The following SETX variants were observed in gnomAD, a reference collection of about 807,000 sequenced individuals.
SETX encodes helicase senataxin.
A neutral mutation model predicts 227.2 loss-of-function variants in SETX; 90 were observed. The observed-to-expected ratio is 0.40, with a 90% CI of 0.33 to 0.47. The LOEUF is 0.47. SETX is among the 20% of genes least tolerant of loss of function. The probability of loss-of-function intolerance (pLI) is 0.91; values close to 1 mark genes in which losing one functional copy is unlikely to be tolerated. For missense variants in SETX, 3,052 were observed against 3,181.5 expected, an observed-to-expected ratio of 0.96 and a Z score of 0.98; for synonymous variants, 1,210 against 1,113.2, an observed-to-expected ratio of 1.09 and a Z score of -1.73.
rs1419540418 is a variant in SETX at position 132,330,218 on chromosome 9, T to A, written c.1380A>T (p.Leu460=). 1 of 1,568,220 alleles carries A rather than the reference T, an allele frequency of 6.4e-7. No homozygotes were observed. ...GCAGTTCAATCACTGATACCAAAAT[T>A]AGAAGAAAAAATTCAGTGACTTTGT... is the stretch of plus-strand genomic sequence containing the variant. ...VCDKVTEFFL[L]ILVSVIELHR... The change falls in exon 10 of 26, where the codon CTA becomes CTT. Residue 460 remains leucine, a synonymous_variant. Transcript: ENST00000224140.
chr9:132,295,997 G>A lies in SETX; in HGVS notation c.5981C>T (p.Ser1994Phe), dbSNP rs1259820848. The A allele has an allele frequency of 6.2e-7, 1 of 1,614,150 alleles. No homozygotes were observed. The highest frequency in any genetic ancestry group is 1.1e-5 in the South Asian group (1 of 91,084). The stretch of plus-strand genomic sequence containing the variant: ...ACGGTTTTGTTTGATTTTGGCATTG[G>A]AGTTTTCGTCTGAATGCCCCTTCCT... The part of the protein sequence containing the change: ...NQRKGHSDEN[S>F]NAKIKQNRVL... Residue 1994 changes from serine to phenylalanine, a missense_variant, in exon 15 of 26, where the codon TCC (serine) becomes TTC (phenylalanine). Transcript: ENST00000224140.
In SETX at chr9:132,323,404, T is replaced by C. The variant is rs1846494060; in HGVS notation, c.5274+2920A>G. 6.6e-5 allele frequency among the ~76,000 whole-genome samples: 10 copies of C among 152,252 alleles called. 1 individual carries two copies. The South Asian group carries it at 1.9e-3, about 28-fold the overall frequency. ...GGAAAGGCAATTACAGCATACTACA[T>C]GGCTTAGCTGAAGATATCTTTCACA... On this transcript the variant is annotated intron_variant, in intron 10 of 25. Coordinates refer to ENST00000224140, the MANE Select transcript of SETX (RefSeq NM_015046.7).
chr9:132,349,008 T>C (rs902108061), intron 3 of SETX, among the ~76,000 whole-genome samples: 1 of 151,980 alleles, frequency 6.6e-6, no homozygotes, highest in African/African-American at 2.4e-5. Flanking sequence ...TTTCAGGAAT[T>C]TGTCCTAAGA....
intron 19 of SETX, 117 bp from the exon 20 acceptor site, chr9:132,281,691 T>C: frequency 9.2e-6 from 7 of 760,754 alleles, no homozygotes; most frequent in Non-Finnish European, 1.6e-5. Context: ...CTGCACCAAA[T>C]ATCAAAAATA....
chr9:132,352,898 G>A (rs145654390), intron 2 of SETX, among the ~76,000 whole-genome samples: 47 of 152,098 alleles, frequency 3.1e-4, no homozygotes, highest in African/African-American at 1.1e-3. Context: ...TATCCTATAC[G>A]CTCCTTCTCC....
At chr9:132,322,423 T>A (rs1201386398) in intron 10 of SETX, among the ~76,000 whole-genome samples, 2 of 152,320 alleles carry the variant, frequency 1.3e-5, no homozygotes, top group South Asian at 2.1e-4. Context: ...TACTCATCTT[T>A]CTGTCTCTAC....
intron 18 of SETX, among the ~76,000 whole-genome samples, chr9:132,284,377 A>C (rs1208926598): frequency 2.0e-5 from 3 of 152,256 alleles, no homozygotes; most frequent in African/African-American, 7.2e-5. Context: ...AGTTTAAATA[A>C]ACTGCTAATG....
At chr9:132,355,428 G>A (rs1848861256), upstream of SETX, among the ~76,000 whole-genome samples, 1 of 152,238 alleles carries the variant, frequency 6.6e-6, no homozygotes, top group Non-Finnish European at 1.5e-5. Context: ...TTCCTTTAAA[G>A]ACCTGAAATG....
intron 22 of SETX, among the ~76,000 whole-genome samples, chr9:132,276,158 TA>T (rs1419452127): frequency 6.6e-6 from 1 of 152,158 alleles, no homozygotes; most frequent in Non-Finnish European, 1.5e-5. Context: ...GAGCCTTAAA[TA>T]CCCATTCTCC....
chr9:132,280,288 T>G (rs891179034), intron 20 of SETX, among the ~76,000 whole-genome samples: 4 of 152,196 alleles, frequency 2.6e-5, no homozygotes, highest in Non-Finnish European at 5.9e-5. Context: ...AAATGGATTT[T>G]TTTTTTCTAA....
At chr9:132,272,338 G>A (rs1842942924) in intron 23 of SETX, among the ~76,000 whole-genome samples, 1 of 152,006 alleles carries the variant, frequency 6.6e-6, no homozygotes, top group Non-Finnish European at 1.5e-5. Context: ...TTGTAGAGAT[G>A]GGGTCTTGCC....
intron 6 of SETX, 38 bp downstream of exon 6, chr9:132,336,258 G>T: frequency 6.5e-7 from 1 of 1,548,750 alleles, no homozygotes; most frequent in South Asian, 1.1e-5. Flanking sequence ...AGAACTATAC[G>T]AAAATACCAA....
At chr9:132,268,882 G>C (rs924371031) in intron 25 of SETX, among the ~76,000 whole-genome samples, 2 of 152,196 alleles carry the variant, frequency 1.3e-5, no homozygotes, top group African/African-American at 4.8e-5. Context: ...GGAGGTGATA[G>C]AGGAGTGAAA....
rs995991672 is a variant in SETX, at chr9:132,327,552, T to C, written c.4046A>G (p.Gln1349Arg). The C allele has an allele frequency of 1.2e-6, 2 of 1,614,132 alleles. No homozygotes were observed. Among genetic ancestry groups the C allele is most frequent in the Non-Finnish European group, 1.7e-6 (2 of 1,180,040 alleles). Residue 1349 changes from glutamine (Q) to arginine (R), a missense_variant, in exon 10 of 26, where the codon CAG (glutamine) becomes CGG (arginine). By Grantham distance (43) the Gln-to-Arg change is conservative. Around this residue, in one of 10 missense-constraint regions of SETX, gnomAD observed 1,483 missense variants for 1,312.0 expected, o/e 1.13. Transcript: ENST00000224140. ...TTTGGGTCTGATCTGCCTTTGCATC[T>C]GAAGTTCTTGACTAGTCAGAAGTTT... ...NKKLLTSQEL[Q>R]MQRQIRPKSQ...
At chr9:132,297,085 T>G (rs1321060641) in intron 13 of SETX, 31 bp from the exon 14 acceptor site, 1 of 1,565,630 alleles carries the variant, frequency 6.4e-7, no homozygotes, top group East Asian at 2.3e-5. Context: ...TGAGAATGAG[T>G]TGCTGTTTCT....
intron 21 of SETX, among the ~76,000 whole-genome samples, chr9:132,277,775 T>A (rs796444296): frequency 2.4e-4 from 28 of 117,614 alleles, no homozygotes; most frequent in African/African-American, 9.3e-4. Flanking sequence ...AGTGACAGAA[T>A]GAGACCCTGT....
chr9:132,323,153 G>A (rs779933588), intron 10 of SETX, among the ~76,000 whole-genome samples: 25 of 152,244 alleles, frequency 1.6e-4, no homozygotes, highest in Non-Finnish European at 3.4e-4. Context: ...GAAAGATGAC[G>A]GGGGTGGAGG....
chr9:132,346,471 C>T lies in SETX; in HGVS notation c.178G>A (p.Val60Ile), dbSNP rs1445955234. ...CGTAAGGTTTCTAATTCCCATAAAA[C>T]CTAGAGGAAAATAAAATGGGCAGTG... ...ARDELPFLHEVLWELETLRLI... is the reference protein window; with the variant it reads ...ARDELPFLHEILWELETLRLI... Residue 60 changes from valine to isoleucine, a missense_variant and splice_region_variant, in exon 4 of 26, where the codon GTT (valine) becomes ATT (isoleucine). Physicochemically the swap from Val to Ile is conservative, Grantham distance 29. Around this residue, in one of 10 missense-constraint regions of SETX, gnomAD observed 152 missense variants for 156.2 expected, o/e 0.97. Coordinates refer to ENST00000224140, the MANE Select transcript of SETX (RefSeq NM_015046.7). The T allele has an allele frequency of 6.2e-7, 1 of 1,603,874 alleles. No homozygotes were observed. The highest frequency in any genetic ancestry group is 8.5e-7 in the Non-Finnish European group (1 of 1,172,790).
chr9:132,336,529 A>T lies in SETX; in HGVS notation c.499-14T>A, dbSNP rs537396854. ...CCAACGCCGAACCTAAATGCAGAAT[A>T]TATTTATTACTTAATTCAATAAACA... On this transcript the variant is annotated splice_polypyrimidine_tract_variant and intron_variant, in intron 5 of 25. Transcript: ENST00000224140. The T allele has an allele frequency of 6.4e-6, 10 of 1,563,168 alleles. No individual in the cohort carries two copies. The South Asian group carries it at 7.8e-5, about 12-fold the overall frequency.
Sources: allele counts gnomAD v4.1 joint callset (sites outside exome capture counted in the v4.1 genomes callset), GRCh38; gene constraint gnomAD v4.1.1; regional missense constraint gnomAD v4.1.1; transcripts MANE v1.5; gene names NCBI Gene and HGNC (gene_info 2026-07-23, HGNC 2026-07-21).